MAPK8IP1: variants seen among roughly 807,000 people sequenced by gnomAD.
The protein encoded by MAPK8IP1 is mitogen-activated protein kinase 8 interacting protein 1.
MAPK8IP1 carries 17 observed loss-of-function variants against 72.6 expected under a neutral mutation model. That is an observed-to-expected ratio of 0.23 (90% CI 0.16 to 0.35). The LOEUF is 0.35. Ranked by LOEUF, MAPK8IP1 falls within the 10% of genes least tolerant of loss-of-function variation. MAPK8IP1 has a pLI of 1.00. For synonymous variants in MAPK8IP1, 401 were observed against 443.4 expected (o/e 0.90, Z 1.20); for missense variants, 789 against 1,009.7 (o/e 0.78, Z 2.96).
At chr11:45,888,715 CAG>C (rs1391550689) in intron 1 of MAPK8IP1, among the ~76,000 whole-genome samples, 16 of 151,120 alleles carry the variant, frequency 1.1e-4, no homozygotes, top group Non-Finnish European at 1.6e-4. Context: ...TTTTTTGAGA[CAG>C]AGTCTCACTC....
chr11:45,904,261 G>C lies in MAPK8IP1; in HGVS notation c.1666+100G>C. The stretch of plus-strand genomic sequence containing the variant: ...ACTCCAGATCTCAGCCAGCCAGGTG[G>C]GGGGCTGAGTGGAAGTGATTTTAGG... On this transcript the variant is annotated intron_variant, in intron 7 of 11. Transcript: ENST00000241014. The surrounding 1 kb of genome is among the most constrained non-coding windows in gnomAD (Gnocchi z 6.4). The C allele has an allele frequency of 7.2e-7, 1 of 1,392,168 alleles. No homozygotes were observed. Among genetic ancestry groups the C allele is most frequent in the Non-Finnish European group, 1.0e-6 (1 of 1,000,562 alleles). The allele number at this position is 1,392,168 out of a possible 1,614,324, so 86.2% of individuals were successfully genotyped here.
At chr11:45,890,165 G>A (rs1358535652) in intron 1 of MAPK8IP1, among the ~76,000 whole-genome samples, 1 of 152,016 alleles carries the variant, frequency 6.6e-6, no homozygotes, top group Non-Finnish European at 1.5e-5. Context: ...GCCCAGTCTG[G>A]CAGGAGGGTG....
chr11:45,901,645 GCTCCTGCTTCTCTTCTCCCCTGC>G (rs1175529917), intron 3 of MAPK8IP1, among the ~76,000 whole-genome samples: 1 of 152,132 alleles, frequency 6.6e-6, no homozygotes, highest in Non-Finnish European at 1.5e-5. Context: ...TCTCCAGAGA[GCTCCTGCTTCTCTTCTCCCCTGC>G]CTCCTCCCCC....
In MAPK8IP1 at chr11:45,903,214, G is replaced by A. The variant is rs1276446037; in HGVS notation, c.1417+30G>A. 1 of 1,591,516 alleles carries A rather than the reference G, an allele frequency of 6.3e-7. No individual in the cohort carries two copies. Among genetic ancestry groups the A allele is most frequent in the African/African-American group, 1.4e-5 (1 of 72,224 alleles). On this transcript the variant is annotated intron_variant, in intron 5 of 11. Coordinates refer to ENST00000241014, the MANE Select transcript of MAPK8IP1 (RefSeq NM_005456.4). This position sits in a 1 kb window ranked among gnomAD's most constrained non-coding sequence, Gnocchi z 6.4. The stretch of plus-strand genomic sequence containing the variant: ...GTCAGCAAGGGGAAGCAGTGGGGTG[G>A]GGGGGTCCCTAGCGGGGGCAGAGCC...
intron 3 of MAPK8IP1, among the ~76,000 whole-genome samples, chr11:45,901,410 AC>A (rs770509636): frequency 2.6e-5 from 4 of 151,468 alleles, no homozygotes; most frequent in Non-Finnish European, 5.9e-5. Flanking sequence ...GTGCAGGAAA[AC>A]TCTGTTATGG....
intron 1 of MAPK8IP1, among the ~76,000 whole-genome samples, chr11:45,892,223 C>T (rs1231786126): frequency 6.6e-6 from 1 of 152,128 alleles, no homozygotes; most frequent in Non-Finnish European, 1.5e-5. Flanking sequence ...CTGGGTCTGG[C>T]TCATCCCCAC....
intron 2 of MAPK8IP1, 138 bp from the exon 3 acceptor site, chr11:45,900,000 A>T (rs2086637138): frequency 4.6e-6 from 2 of 430,146 alleles, no homozygotes; most frequent in Admixed American, 1.0e-4. Flanking sequence ...AGAGCGCCCC[A>T]GTCTCCGGCG....
intron 1 of MAPK8IP1, chr11:45,896,763 C>T (rs2086609231): frequency 2.7e-6 from 4 of 1,501,136 alleles, no homozygotes; most frequent in Non-Finnish European, 3.6e-6. Context: ...AAAGACAGGC[C>T]CAAGCGGTGG....
intron 1 of MAPK8IP1, among the ~76,000 whole-genome samples, chr11:45,890,249 C>A (rs2086556221): frequency 1.3e-5 from 2 of 152,192 alleles, no homozygotes; most frequent in South Asian, 4.1e-4. Context: ...GAGGAGCTGG[C>A]AGGGGGTTAG....
At chr11:45,889,108 C>T (rs571673824) in intron 1 of MAPK8IP1, among the ~76,000 whole-genome samples, 4 of 152,254 alleles carry the variant, frequency 2.6e-5, no homozygotes, top group East Asian at 1.9e-4. Context: ...ATATGCATAA[C>T]GAAATAGCTT....
chr11:45,904,394 C>G lies in MAPK8IP1; in HGVS notation c.1667-61C>G. On this transcript the variant is annotated intron_variant, in intron 7 of 11. Transcript: ENST00000241014. The surrounding 1 kb of genome is among the most constrained non-coding windows in gnomAD (Gnocchi z 6.4). ...CCCGTGCCTCACCCACCCTCCTTCA[C>G]TTGGCTGCTCAGCTCCCTCCTGCTC... is the stretch of plus-strand genomic sequence containing the variant. The G allele has an allele frequency of 1.4e-6, 2 of 1,441,290 alleles. No homozygotes were observed. The allele number at this position is 1,441,290 out of a possible 1,614,324, so 89.3% of individuals were successfully genotyped here.
intron 1 of MAPK8IP1, among the ~76,000 whole-genome samples, chr11:45,896,162 C>T (rs1255953148): frequency 6.6e-6 from 1 of 152,264 alleles, no homozygotes; most frequent in Non-Finnish European, 1.5e-5. Flanking sequence ...CTGGCCTGCC[C>T]TTAGCTGTGG....
chr11:45,890,639 A>G (rs2086559478), intron 1 of MAPK8IP1, among the ~76,000 whole-genome samples: 1 of 151,982 alleles, frequency 6.6e-6, no homozygotes, highest in South Asian at 2.1e-4. Context: ...TGAGGGATAC[A>G]GAATAGGGAG....
intron 1 of MAPK8IP1, among the ~76,000 whole-genome samples, chr11:45,887,713 G>A (rs1590780646): frequency 6.6e-6 from 1 of 152,230 alleles, no homozygotes; most frequent in East Asian, 1.9e-4. Flanking sequence ...TGCGGCATGT[G>A]GGACAAGGGT....
chr11:45,904,387 T>C lies in MAPK8IP1; in HGVS notation c.1667-68T>C. 1 of 1,382,842 alleles carries C rather than the reference T, an allele frequency of 7.2e-7. No individual in the cohort carries two copies. The highest frequency in any genetic ancestry group is 1.0e-6 in the Non-Finnish European group (1 of 978,356). The allele number at this position is 1,382,842 out of a possible 1,614,324, so 85.7% of individuals were successfully genotyped here. A position where few individuals can be genotyped will look rare whatever the true frequency, so the allele number is the denominator to read the frequency against. ...GCCATTCCCCGTGCCTCACCCACCC[T>C]CCTTCACTTGGCTGCTCAGCTCCCT... is the stretch of plus-strand genomic sequence containing the variant. On this transcript the variant is annotated intron_variant, in intron 7 of 11. Coordinates refer to ENST00000241014, the MANE Select transcript of MAPK8IP1 (RefSeq NM_005456.4). This position sits in a 1 kb window ranked among gnomAD's most constrained non-coding sequence, Gnocchi z 6.4.
At position 45,902,431 on chromosome 11, in the gene MAPK8IP1, G is replaced by A. The variant is rs1470446655; in HGVS notation, c.664G>A (p.Gly222Ser). The A allele has an allele frequency of 1.0e-5, 16 of 1,586,638 alleles. No homozygotes were observed. The highest frequency in any genetic ancestry group is 1.3e-5 in the African/African-American group (1 of 74,382). ...GAGCGATGAGCTGCCCCCCCAGAGCGGCCCCGCCCCCACCACAGATCGAGG... is the reference window on the plus strand; with the variant it reads ...GAGCGATGAGCTGCCCCCCCAGAGCAGCCCCGCCCCCACCACAGATCGAGG... Reference protein sequence around the residue: ...CLSDELPPQSGPAPTTDRGTS... With the variant: ...CLSDELPPQSSPAPTTDRGTS... The change falls in exon 5 of 12, where the codon GGC becomes AGC. Residue 222 changes from glycine (G) to serine (S), a missense_variant. Coordinates refer to ENST00000241014, the MANE Select transcript of MAPK8IP1 (RefSeq NM_005456.4). The surrounding 1 kb of genome is among the most constrained non-coding windows in gnomAD (Gnocchi z 9.3).
chr11:45,896,866 G>A (rs952761258), intron 1 of MAPK8IP1: 21 of 1,550,386 alleles, frequency 1.4e-5, no homozygotes, highest in Middle Eastern at 2.2e-4. Context: ...CCCCCCGGCC[G>A]GGCAGGGCTC....
intron 1 of MAPK8IP1, among the ~76,000 whole-genome samples, chr11:45,895,606 C>T (rs1344273847): frequency 7.3e-5 from 9 of 122,466 alleles, no homozygotes; most frequent in Admixed American, 6.6e-4. Context: ...GGTGACAGAG[C>T]GAAAGGCCGT....
chr11:45,903,669 G>GGGC lies in MAPK8IP1; in HGVS notation c.1493+230_1493+232dup, dbSNP rs1326009261. Reference sequence around the variant, plus strand: ...TGTGCACCTAGTCTGGCCAGGGGCAGGGCACCCAGGAGGGTGACCAGGAGG... The same window carrying GGGC: ...TGTGCACCTAGTCTGGCCAGGGGCAGGGCGGCACCCAGGAGGGTGACCAGGAGG... On this transcript the variant is annotated intron_variant, in intron 6 of 11. Coordinates refer to ENST00000241014, the MANE Select transcript of MAPK8IP1 (RefSeq NM_005456.4). The surrounding 1 kb of genome is among the most constrained non-coding windows in gnomAD (Gnocchi z 6.4). 6.6e-6 allele frequency among the ~76,000 whole-genome samples: 1 copy of GGGC among 152,174 alleles called. No homozygotes were observed. Among genetic ancestry groups the GGGC allele is most frequent in the African/African-American group, 2.4e-5 (1 of 41,430 alleles).
Sources: allele counts gnomAD v4.1 joint callset (sites outside exome capture counted in the v4.1 genomes callset), GRCh38; gene constraint gnomAD v4.1.1; non-coding constraint Gnocchi (gnomAD v3.1); transcripts MANE v1.5; gene names NCBI Gene and HGNC (gene_info 2026-07-23, HGNC 2026-07-21).